Variants in STK3 observed in about 807,000 individuals in gnomAD.
The protein encoded by STK3 is serine/threonine kinase 3.
In STK3, 41 loss-of-function variants were observed where a neutral mutation model predicts 58.0. The ratio of observed to expected loss-of-function variants is 0.71; its 90% confidence interval spans 0.55 to 0.92. The LOEUF (loss-of-function observed/expected upper bound fraction) is 0.92. Ranked by LOEUF, STK3 falls within the 40% of genes least tolerant of loss-of-function variation. The probability of loss-of-function intolerance (pLI) is 0.00; values close to 1 mark genes in which losing one functional copy is unlikely to be tolerated. For missense variants in STK3, 479 were observed against 602.7 expected, an observed-to-expected ratio of 0.79 and a Z score of 2.15; for synonymous variants, 170 against 191.0, an observed-to-expected ratio of 0.89 and a Z score of 0.91.
intron 1 of STK3, among the ~76,000 whole-genome samples, chr8:98,886,078 TA>T (rs1225987182): frequency 2.0e-5 from 3 of 152,210 alleles, no homozygotes; most frequent in African/African-American, 7.2e-5. Flanking sequence ...GGCATGACTA[TA>T]AGGTAGCAGT....
chr8:98,664,163 T>C (rs1406208653), intron 6 of STK3, among the ~76,000 whole-genome samples: 1 of 152,152 alleles, frequency 6.6e-6, no homozygotes, highest in Non-Finnish European at 1.5e-5. Context: ...CCCCCATTTC[T>C]TTCTACTGAT....
chr8:98,395,969 C>A (rs1461607117), intron 3 of STK3, among the ~76,000 whole-genome samples: 1 of 152,172 alleles, frequency 6.6e-6, no homozygotes, highest in Non-Finnish European at 1.5e-5. Flanking sequence ...TCTGACACCA[C>A]TGAATTTTTT....
At chr8:98,729,928 T>C (rs1357968255) in intron 4 of STK3, among the ~76,000 whole-genome samples, 1 of 152,238 alleles carries the variant, frequency 6.6e-6, no homozygotes, top group Non-Finnish European at 1.5e-5. Context: ...ATATCACTAC[T>C]TAACCTCCAT....
chr8:98,652,559 C>T (rs1821048532), intron 6 of STK3, among the ~76,000 whole-genome samples: 2 of 145,830 alleles, frequency 1.4e-5, no homozygotes, highest in South Asian at 4.6e-4. Flanking sequence ...GAGTCAAGAC[C>T]CATCAGTGTG....
chr8:98,438,913 T>C (rs111508163), intron 1 of STK3: 3 of 152,412 alleles, frequency 2.0e-5, no homozygotes, highest in African/African-American at 2.4e-5. Context: ...TCTGTGAACA[T>C]GGGGGTGGAA....
At chr8:98,841,702 AT>A (rs1185385754) in intron 3 of STK3, among the ~76,000 whole-genome samples, 7 of 149,080 alleles carry the variant, frequency 4.7e-5, no homozygotes, top group Admixed American at 2.0e-4. Flanking sequence ...AAAAAAAAAA[AT>A]TTAAAAATGT....
At chr8:98,422,872 A>G (rs752010328) in intron 3 of STK3, among the ~76,000 whole-genome samples, 1 of 152,228 alleles carries the variant, frequency 6.6e-6, no homozygotes, top group Non-Finnish European at 1.5e-5. Flanking sequence ...TAGGAGCTTA[A>G]GAAATGCCGA....
At chr8:98,792,714 G>T (rs1370676049) in intron 1 of STK3, among the ~76,000 whole-genome samples, 1 of 152,014 alleles carries the variant, frequency 6.6e-6, no homozygotes, top group Non-Finnish European at 1.5e-5. Context: ...AGAAAAAAAA[G>T]AACTAAAAGT....
chr8:98,911,727 C>A (rs963740733), intron 1 of STK3, among the ~76,000 whole-genome samples: 1 of 151,968 alleles, frequency 6.6e-6, no homozygotes, highest in African/African-American at 2.4e-5. Flanking sequence ...CCAAAACAAT[C>A]GTGTTAGTAT....
At chr8:98,566,020 ATC>A (rs1235332681) in intron 8 of STK3, among the ~76,000 whole-genome samples, 14 of 152,278 alleles carry the variant, frequency 9.2e-5, no homozygotes, top group South Asian at 2.1e-4. Flanking sequence ...TTCTACAGAA[ATC>A]TCTGTTTGCA....
chr8:98,596,097 C>T lies in STK3; in HGVS notation c.757G>A (p.Asp253Asn), dbSNP rs757271491. 7.4e-6 allele frequency: 12 copies of T among 1,613,004 alleles called. 1 individual carries two copies. Among genetic ancestry groups the T allele is most frequent in the South Asian group, 3.3e-5 (3 of 90,902 alleles). The change falls in exon 7 of 11, where the codon GAT becomes AAT. Residue 253 changes from aspartate to asparagine, a missense_variant. Asp to Asn is a conservative substitution (Grantham distance 23). Transcript: ENST00000419617. ...TTCACCAAACACTTTTTAACAAAAT[C>T]GGTGAAATCATCGGACCAAAGTTCT... Reference protein sequence around the residue: ...KPELWSDDFTDFVKKCLVKNP... With the variant: ...KPELWSDDFTNFVKKCLVKNP...
At chr8:98,468,945 C>A (rs1412853985) in intron 10 of STK3, among the ~76,000 whole-genome samples, 1 of 152,034 alleles carries the variant, frequency 6.6e-6, no homozygotes, top group South Asian at 2.1e-4. Context: ...CCTGTCTCTA[C>A]TAAAAATACA....
At chr8:98,678,862 A>G (rs1823411382) in intron 6 of STK3, among the ~76,000 whole-genome samples, 3 of 152,140 alleles carry the variant, frequency 2.0e-5, no homozygotes, top group African/African-American at 7.2e-5. Context: ...TATAGCAAAC[A>G]TGCATCACAT....
intron 3 of STK3, among the ~76,000 whole-genome samples, chr8:98,756,114 G>A (rs1325611940): frequency 6.6e-6 from 1 of 151,674 alleles, no homozygotes; most frequent in Non-Finnish European, 1.5e-5. Flanking sequence ...CTGCACTCCT[G>A]CCTGGCAGAA....
chr8:98,516,277 G>C (rs1001670406), intron 10 of STK3, among the ~76,000 whole-genome samples: 11 of 151,986 alleles, frequency 7.2e-5, no homozygotes, highest in African/African-American at 2.7e-4. Flanking sequence ...TTACAGGTGA[G>C]AGTAACTGAT....
chr8:98,662,916 C>A (rs953620470), intron 6 of STK3, among the ~76,000 whole-genome samples: 1 of 151,960 alleles, frequency 6.6e-6, no homozygotes, highest in Admixed American at 6.6e-5. Flanking sequence ...GACCTAAAAC[C>A]ATAAAAACCC....
At chr8:98,438,335 G>C (rs916580902) in intron 1 of STK3, 1 of 152,192 alleles carries the variant, frequency 6.6e-6, no homozygotes, top group Non-Finnish European at 1.5e-5. Flanking sequence ...AGGAGCTCCC[G>C]AGTCTGAGGA....
chr8:98,870,892 A>T (rs531523260), intron 3 of STK3, among the ~76,000 whole-genome samples: 1 of 152,076 alleles, frequency 6.6e-6, no homozygotes, highest in African/African-American at 2.4e-5. Flanking sequence ...ATTGCTTTTG[A>T]TGTTTTAGTC....
intron 8 of STK3, among the ~76,000 whole-genome samples, chr8:98,570,387 T>C (rs930262451): frequency 8.6e-5 from 13 of 151,908 alleles, no homozygotes; most frequent in African/African-American, 3.1e-4. Flanking sequence ...GCAATCAGCC[T>C]GTCTTGGCCT....
Sources: gnomAD v4.1 joint callset for allele counts (sites outside exome capture counted in the v4.1 genomes callset) on GRCh38, gnomAD v4.1.1 for gene constraint, MANE v1.5 for transcripts, NCBI Gene and HGNC (gene_info 2026-07-23, HGNC 2026-07-21) for gene names.